The following XPC variants were observed in gnomAD, a reference collection of about 807,000 sequenced individuals.
The protein encoded by XPC is DNA repair protein complementing XP-C cells.
XPC carries 76 observed loss-of-function variants against 95.8 expected under a neutral mutation model. The observed-to-expected ratio is 0.79, with a 90% confidence interval of 0.66 to 0.96. The LOEUF (loss-of-function observed/expected upper bound fraction) is 0.96. Among genes scored for constraint, XPC ranks in the 40% least tolerant of loss-of-function variants. The probability of loss-of-function intolerance (pLI) is 0.00; values close to 1 mark genes in which losing one functional copy is unlikely to be tolerated. For missense variants in XPC, 1,146 were observed against 1,179.8 expected (o/e 0.97, Z 0.42); for synonymous variants, 442 against 442.1 (o/e 1.00, Z 0.00).
Position 14,156,371 on chromosome 3 carries a change from A to T in XPC, c.1997T>A (p.Ile666Asn), listed in dbSNP as rs769834688. 2 of 1,613,926 alleles carry T rather than the reference A, an allele frequency of 1.2e-6. No individual in the cohort carries two copies. Among genetic ancestry groups the T allele is most frequent in the Non-Finnish European group, 1.7e-6 (2 of 1,179,860 alleles). The stretch of plus-strand genomic sequence containing the variant: ...CGCTTCTCCACGACAATACCCAAGG[A>T]TGGCAGCTGTCTCGGGATAGATGGC... ...YEAIYPETAAILGYCRGEAVY... is the reference protein window; with the variant it reads ...YEAIYPETAANLGYCRGEAVY... The change falls in exon 10 of 16, where the codon ATC becomes AAC. Residue 666 changes from isoleucine (I) to asparagine (N), a missense_variant. Transcript: ENST00000285021.
rs587778759 is a variant in XPC, at chr3:14,167,193, T to G, written c.597A>C (p.Lys199Asn). ...CCTTGTGTGTGTCCTCATGGACCCC[T>G]TTATTGAAACGTTTCATCGCCCTCC... ...YLRRAMKRFN[K>N]GVHEDTHKVH... is the part of the protein sequence containing the mutation. The change falls in exon 5 of 16, where the codon AAA becomes AAC. Residue 199 changes from lysine to asparagine, a missense_variant. Physicochemically the swap from Lys to Asn is moderately conservative, Grantham distance 94. Coordinates refer to ENST00000285021, the MANE Select transcript of XPC (RefSeq NM_004628.5). 43 of 1,610,138 alleles carry G rather than the reference T, an allele frequency of 2.7e-5. No individual in the cohort carries two copies. The highest frequency in any genetic ancestry group is 5.0e-5 in the Admixed American group (3 of 59,584).
intron 9 of XPC, 131 bp from the exon 10 acceptor site, chr3:14,156,626 T>A (rs982656457): frequency 8.0e-7 from 1 of 1,250,512 alleles, no homozygotes; most frequent in Non-Finnish European, 1.1e-6. Flanking sequence ...CACTAATGGT[T>A]TTGTAACATC....
chr3:14,160,567 G>A (rs1167482882), intron 7 of XPC, among the ~76,000 whole-genome samples: 1 of 152,180 alleles, frequency 6.6e-6, no homozygotes, highest in Admixed American at 6.5e-5. Context: ...CTTTTGCCTT[G>A]TTTCTTCTGC....
intron 11 of XPC, chr3:14,150,040 ATCAGTAGAGCCTGTG>A (rs1695624545): frequency 6.6e-6 from 1 of 152,284 alleles, no homozygotes; most frequent in African/African-American, 2.4e-5. Context: ...GTAACTGTCC[ATCAGTAGAGCCTGTG>A]TCTCAACATA....
chr3:14,165,922 G>A (rs547681409), intron 5 of XPC: 99 of 274,536 alleles, frequency 3.6e-4, no homozygotes, highest in Non-Finnish European at 6.4e-4. Context: ...CATGTCTGGG[G>A]TTTGCTCCAC....
rs541829970 is a variant in XPC at position 14,158,874 on chromosome 3, C to T, written c.1009G>A (p.Glu337Lys). Reference protein sequence around the residue: ...ATAKGKKPSKERLTADPGGSS... With the variant: ...ATAKGKKPSKKRLTADPGGSS... The stretch of plus-strand genomic sequence containing the variant: ...CCTCCTGGATCCGCAGTCAATCTTT[C>T]CTTGGAAGGTTTCTTTCCCTTAAAC... The change falls in exon 9 of 16, where the codon GAA becomes AAA. Residue 337 changes from glutamate (E) to lysine (K), a missense_variant. Transcript: ENST00000285021. This position sits in a 1 kb window ranked among gnomAD's most constrained non-coding sequence, Gnocchi z 5.2. The T allele has an allele frequency of 5.8e-5, 93 of 1,613,926 alleles. No homozygotes were observed. The South Asian group carries it at 1.0e-3, about 17-fold the overall frequency.
At chr3:14,163,385 A>G (rs1197959191) in intron 7 of XPC, among the ~76,000 whole-genome samples, 1 of 152,260 alleles carries the variant, frequency 6.6e-6, no homozygotes, top group African/African-American at 2.4e-5. Flanking sequence ...GATAGAGAAA[A>G]TGTATAAACA....
chr3:14,156,228 T>C, intron 10 of XPC, 107 bp downstream of exon 10: 1 of 1,392,700 alleles, frequency 7.2e-7, no homozygotes, highest in Non-Finnish European at 9.7e-7. Flanking sequence ...AGCCCGAGAA[T>C]GCTGTCCAGT....
At chr3:14,147,211 T>A in intron 15 of XPC, 79 bp downstream of exon 15, 1 of 1,450,526 alleles carries the variant, frequency 6.9e-7, no homozygotes. Context: ...TGGGGCAGAA[T>A]CTGGGCCAGG....
chr3:14,152,641 C>T, intron 10 of XPC: 1 of 482,666 alleles, frequency 2.1e-6, no homozygotes. Context: ...TAATCTGCAG[C>T]CTTTGTGCCT....
intron 1 of XPC, among the ~76,000 whole-genome samples, chr3:14,174,346 C>T (rs1367007001): frequency 6.7e-6 from 1 of 148,976 alleles, no homozygotes; most frequent in Non-Finnish European, 1.5e-5. Flanking sequence ...GAGGAGGGTG[C>T]CCCTAAAATC....
chr3:14,157,626 G>T (rs970778397), intron 9 of XPC, among the ~76,000 whole-genome samples: 1 of 152,128 alleles, frequency 6.6e-6, no homozygotes, highest in Non-Finnish European at 1.5e-5. Flanking sequence ...GTGTTTGCAC[G>T]TACATCTTTA....
At chr3:14,171,994 C>A (rs3731072) in intron 2 of XPC, among the ~76,000 whole-genome samples, 101 of 152,252 alleles carry the variant, frequency 6.6e-4, no homozygotes, top group African/African-American at 2.4e-3. Flanking sequence ...AAAGCTGATA[C>A]TGGCAGTGAG....
Position 14,168,289 on chromosome 3 carries a change from T to C in XPC, c.504A>G (p.Glu168=). ...LPVKPVEIEI[E]TPEQAKTRER... Reference sequence around the variant, plus strand: ...CTCTTGTCTTCGCCTGCTCTGGCGTTTCAATCTCTATCTCCACTGGCTTCA... The same window carrying C: ...CTCTTGTCTTCGCCTGCTCTGGCGTCTCAATCTCTATCTCCACTGGCTTCA... Residue 168 remains glutamate (E), a synonymous_variant, in exon 4 of 16, where the codon GAA becomes GAG. Coordinates refer to ENST00000285021, the MANE Select transcript of XPC (RefSeq NM_004628.5). 6.2e-7 allele frequency: 1 copy of C among 1,613,398 alleles called. No individual in the cohort carries two copies. Among genetic ancestry groups the C allele is most frequent in the East Asian group, 2.2e-5 (1 of 44,838 alleles).
intron 13 of XPC, 77 bp downstream of exon 13, chr3:14,148,485 C>T: frequency 6.4e-7 from 1 of 1,563,672 alleles, no homozygotes; most frequent in Non-Finnish European, 8.6e-7. Flanking sequence ...CAGCCCCATG[C>T]CAGCTTTCCA....
At chr3:14,152,524 A>G in intron 10 of XPC, 108 bp from the exon 11 acceptor site, 2 of 1,097,892 alleles carry the variant, frequency 1.8e-6, no homozygotes, top group South Asian at 3.3e-5. Flanking sequence ...AGGTTCAGCC[A>G]CCCTGGAGCA....
intron 14 of XPC, 26 bp from the exon 15 acceptor site, chr3:14,147,405 A>G: frequency 6.3e-7 from 1 of 1,583,242 alleles, no homozygotes; most frequent in South Asian, 1.2e-5. Flanking sequence ...AAGTGGGAGA[A>G]AAGTGTTAAG....
chr3:14,146,192 C>T (rs368724139), intron 15 of XPC, 33 bp from the exon 16 acceptor site: 131 of 1,568,294 alleles, frequency 8.4e-5, no homozygotes, highest in Non-Finnish European at 9.9e-5. Context: ...AGGACACAGG[C>T]GAGGGTTAGT....
In XPC at chr3:14,158,645, G is replaced by A; in HGVS notation, c.1238C>T (p.Thr413Ile). ...EGPGDKQEKA[T>I]QRRPHGRERR... Reference sequence around the variant, plus strand: ...CTCCCGGCCATGCGGACGTCGCTGGGTTGCCTTCTCCTGCTTGTCTCCTGG... The same window carrying A: ...CTCCCGGCCATGCGGACGTCGCTGGATTGCCTTCTCCTGCTTGTCTCCTGG... Residue 413 changes from threonine to isoleucine, a missense_variant, in exon 9 of 16, where the codon ACC becomes ATC. By Grantham distance (89) the Thr-to-Ile change is moderately conservative. Transcript: ENST00000285021. This position sits in a 1 kb window ranked among gnomAD's most constrained non-coding sequence, Gnocchi z 5.2. The A allele has an allele frequency of 6.2e-7, 1 of 1,613,870 alleles. No individual in the cohort carries two copies. The highest frequency in any genetic ancestry group is 8.5e-7 in the Non-Finnish European group (1 of 1,179,878).
Sources: allele counts gnomAD v4.1 joint callset (sites outside exome capture counted in the v4.1 genomes callset), GRCh38; gene constraint gnomAD v4.1.1; non-coding constraint Gnocchi (gnomAD v3.1); transcripts MANE v1.5; gene names NCBI Gene and HGNC (gene_info 2026-07-23, HGNC 2026-07-21).